Variants in TRHDE observed in about 807,000 individuals in gnomAD.
The protein encoded by TRHDE is thyrotropin releasing hormone degrading enzyme, also known as thyrotropin-releasing hormone-degrading ectoenzyme.
Under a neutral mutation model 125.7 loss-of-function variants are expected in TRHDE, and 72 were observed. The ratio of observed to expected loss-of-function variants is 0.57; its 90% CI spans 0.47 to 0.70. TRHDE has a LOEUF of 0.70. Ranked by LOEUF, TRHDE falls within the 30% of genes least tolerant of loss-of-function variation. The probability of loss-of-function intolerance (pLI) is 0.00; values close to 1 mark genes in which losing one functional copy is unlikely to be tolerated. For synonymous variants in TRHDE, 509 were observed against 509.1 expected, an observed-to-expected ratio of 1.00 and a Z score of 0.00; for missense variants, 1,110 against 1,327.1, an observed-to-expected ratio of 0.84 and a Z score of 2.54.
intron 7 of TRHDE, among the ~76,000 whole-genome samples, chr12:72,551,865 G>T (rs1463009081): frequency 6.6e-6 from 1 of 152,112 alleles, no homozygotes; most frequent in Non-Finnish European, 1.5e-5. Flanking sequence ...TCTAGATCGG[G>T]TGTTTAGGGA....
In TRHDE at chr12:72,130,593, G is replaced by A. The variant is rs918189214; in HGVS notation, n.279+24841G>A. Among the ~76,000 whole-genome samples, 18 of 152,250 alleles carry A rather than the reference G, an allele frequency of 1.2e-4. 1 individual carries two copies. In the East Asian group the frequency reaches 3.1e-3, roughly 26 times the overall value. ...AGGATTTGTCAAATGAAACAAAAAA[G>A]CACTAGGGGCAACATTAATGGATTT... On this transcript the variant is annotated intron_variant and non_coding_transcript_variant, in intron 2 of 4. Transcript: ENST00000548156.
At chr12:72,385,726 A>C (rs1174497911) in intron 3 of TRHDE, among the ~76,000 whole-genome samples, 1 of 152,128 alleles carries the variant, frequency 6.6e-6, no homozygotes, top group Non-Finnish European at 1.5e-5. Context: ...GTTCTTGTTA[A>C]GCTATTTTGT....
intron 2 of TRHDE, among the ~76,000 whole-genome samples, chr12:72,170,470 T>C (rs182401230): frequency 6.6e-6 from 1 of 152,266 alleles, no homozygotes; most frequent in Non-Finnish European, 1.5e-5. Flanking sequence ...AACTCACTTG[T>C]TGGTGGTGTA....
intron 15 of TRHDE, among the ~76,000 whole-genome samples, chr12:72,643,643 G>GCCAAC (rs1874159454): frequency 6.6e-6 from 1 of 152,048 alleles, no homozygotes; most frequent in Non-Finnish European, 1.5e-5. Context: ...TTTTATTGCT[G>GCCAAC]AATGTCCTTT....
intron 2 of TRHDE, among the ~76,000 whole-genome samples, chr12:72,248,081 G>A (rs983217692): frequency 4.6e-5 from 7 of 152,120 alleles, no homozygotes; most frequent in African/African-American, 1.7e-4. Context: ...GTGTACATAT[G>A]TACGCACATA....
chr12:72,434,821 A>T (rs1874666133), intron 3 of TRHDE, among the ~76,000 whole-genome samples: 1 of 152,162 alleles, frequency 6.6e-6, no homozygotes, highest in African/African-American at 2.4e-5. Flanking sequence ...CTCTGATGGG[A>T]ACTAATCTCA....
chr12:72,443,001 T>C (rs977855725), intron 3 of TRHDE, among the ~76,000 whole-genome samples: 8 of 151,860 alleles, frequency 5.3e-5, no homozygotes, highest in Non-Finnish European at 7.4e-5. Flanking sequence ...CATGCTATTC[T>C]CTTGCACTCT....
intron 3 of TRHDE, among the ~76,000 whole-genome samples, chr12:72,431,227 T>C (rs1032723966): frequency 2.6e-5 from 4 of 152,124 alleles, no homozygotes; most frequent in African/African-American, 4.8e-5. Context: ...AAAGACAACA[T>C]TAAAAACATG....
intron 2 of TRHDE, among the ~76,000 whole-genome samples, chr12:72,160,543 G>A (rs894113851): frequency 1.3e-5 from 2 of 152,080 alleles, no homozygotes; most frequent in African/African-American, 4.8e-5. Flanking sequence ...AAAAAAATTA[G>A]CTGGGCTTGG....
intron 2 of TRHDE, among the ~76,000 whole-genome samples, chr12:72,253,304 C>A (rs1878726799): frequency 6.6e-6 from 1 of 152,054 alleles, no homozygotes; most frequent in Non-Finnish European, 1.5e-5. Context: ...ATGTCATCTG[C>A]ACACAGGGAC....
intron 12 of TRHDE, among the ~76,000 whole-genome samples, chr12:72,604,827 G>T (rs955975553): frequency 3.9e-5 from 6 of 151,990 alleles, no homozygotes; most frequent in African/African-American, 1.4e-4. Flanking sequence ...TTAACTATGA[G>T]ACTGTTATTA....
intron 2 of TRHDE, among the ~76,000 whole-genome samples, chr12:72,327,095 T>G (rs1869376888): frequency 6.6e-6 from 1 of 152,104 alleles, no homozygotes; most frequent in African/African-American, 2.4e-5. Context: ...TGTGACTTCC[T>G]TGTGAGAACT....
At chr12:72,112,509 G>A (rs955509182) in intron 2 of TRHDE, among the ~76,000 whole-genome samples, 2 of 152,092 alleles carry the variant, frequency 1.3e-5, no homozygotes, top group African/African-American at 4.8e-5. Flanking sequence ...GTAGTACAGG[G>A]CACACAGTAG....
chr12:72,184,738 T>C (rs146060486), intron 2 of TRHDE, among the ~76,000 whole-genome samples: 1 of 152,344 alleles, frequency 6.6e-6, no homozygotes, highest in Non-Finnish European at 1.5e-5. Flanking sequence ...CTTGACTGTA[T>C]CTGATTTGGA....
chr12:72,214,503 T>C (rs1280508898), intron 2 of TRHDE, among the ~76,000 whole-genome samples: 2 of 152,212 alleles, frequency 1.3e-5, no homozygotes, highest in Admixed American at 6.5e-5. Context: ...GTTTTCTAGA[T>C]ATTTTGAAGT....
intron 3 of TRHDE, among the ~76,000 whole-genome samples, chr12:72,399,483 G>A (rs886078445): frequency 2.0e-5 from 3 of 152,024 alleles, no homozygotes; most frequent in Non-Finnish European, 2.9e-5. Flanking sequence ...TGTGCTGCTT[G>A]TAAACATATA....
intron 2 of TRHDE, among the ~76,000 whole-genome samples, chr12:72,314,210 A>G (rs920321842): frequency 3.3e-5 from 5 of 152,042 alleles, no homozygotes; most frequent in African/African-American, 1.2e-4. Context: ...AGTGTACCAG[A>G]ACAGCAGACA....
intron 12 of TRHDE, among the ~76,000 whole-genome samples, chr12:72,583,922 A>ATTTTTTTTT (rs1871337644): frequency 1.3e-5 from 1 of 76,966 alleles, no homozygotes; most frequent in African/African-American, 6.7e-5. Context: ...AGGATGACAA[A>ATTTTTTTTT]CTTTTTTTTT....
In TRHDE at chr12:72,272,880, C is replaced by T. The variant is rs1879295613; in HGVS notation, c.237C>T (p.Ile79=). ...GVRPRTTERH[I]AVHKRLVLAF... is the part of the protein sequence containing the mutation. ...GACCCCGCACCACGGAGCGCCACATCGCCGTACACAAGCGGCTTGTGCTGG... is the reference window on the plus strand; with the variant it reads ...GACCCCGCACCACGGAGCGCCACATTGCCGTACACAAGCGGCTTGTGCTGG... The change falls in exon 1 of 19, where the codon ATC becomes ATT. Residue 79 remains isoleucine (I), a synonymous_variant. Coordinates refer to ENST00000261180, the MANE Select transcript of TRHDE (RefSeq NM_013381.3). The surrounding 1 kb of genome is among the most constrained non-coding windows in gnomAD (Gnocchi z 6.7). The T allele has an allele frequency of 6.3e-7, 1 of 1,580,444 alleles. No individual in the cohort carries two copies. The highest frequency in any genetic ancestry group is 8.5e-7 in the Non-Finnish European group (1 of 1,171,174).
Sources: allele counts gnomAD v4.1 joint callset (sites outside exome capture counted in the v4.1 genomes callset), GRCh38; gene constraint gnomAD v4.1.1; non-coding constraint Gnocchi (gnomAD v3.1); transcripts MANE v1.5; gene names NCBI Gene and HGNC (gene_info 2026-07-23, HGNC 2026-07-21).